The following GXYLT2 variants were observed in gnomAD, a reference collection of about 807,000 sequenced individuals.
The protein encoded by GXYLT2 is glucoside xylosyltransferase 2.
A neutral mutation model predicts 45.8 loss-of-function variants in GXYLT2; 53 were observed. The ratio of observed to expected loss-of-function variants is 1.16; its 90% CI spans 0.93 to 1.46. The LOEUF (loss-of-function observed/expected upper bound fraction) is 1.46. Among genes scored for constraint, GXYLT2 ranks in the 40% most tolerant of loss-of-function variants. The pLI is 0.00. For synonymous variants in GXYLT2, 219 were observed against 214.2 expected (o/e 1.02, Z -0.19); for missense variants, 551 against 544.4 (o/e 1.01, Z -0.12).
At chr3:72,918,081 T>C (rs1265169130) in intron 2 of GXYLT2, among the ~76,000 whole-genome samples, 1 of 152,220 alleles carries the variant, frequency 6.6e-6, no homozygotes, top group Non-Finnish European at 1.5e-5. Context: ...CTCAATGTGC[T>C]ATTTAGAGTA....
chr3:72,914,786 T>C (rs1256048428), intron 2 of GXYLT2, among the ~76,000 whole-genome samples: 1 of 152,170 alleles, frequency 6.6e-6, no homozygotes, highest in Non-Finnish European at 1.5e-5. Context: ...AGCCTGGGTC[T>C]GTCTCAAGCT....
intron 3 of GXYLT2, among the ~76,000 whole-genome samples, chr3:72,930,949 A>G (rs1710020918): frequency 1.3e-5 from 2 of 152,132 alleles, no homozygotes; most frequent in Non-Finnish European, 2.9e-5. Flanking sequence ...ACGGAAATAG[A>G]AGAACAACAC....
intron 1 of GXYLT2, among the ~76,000 whole-genome samples, chr3:72,891,328 A>G (rs1474332332): frequency 6.6e-6 from 1 of 152,172 alleles, no homozygotes; most frequent in Non-Finnish European, 1.5e-5. Flanking sequence ...CTCGCCTCCC[A>G]CAGGGGGCTG....
intron 1 of GXYLT2, among the ~76,000 whole-genome samples, chr3:72,897,635 G>T (rs1362715673): frequency 1.3e-5 from 2 of 152,164 alleles, no homozygotes; most frequent in African/African-American, 4.8e-5. Flanking sequence ...TCCTAAAAAT[G>T]GATGCCAGTA....
At chr3:72,955,383 A>G (rs1381616628) in intron 4 of GXYLT2, 34 bp downstream of exon 4, 1 of 1,605,182 alleles carries the variant, frequency 6.2e-7, no homozygotes, top group African/African-American at 1.3e-5. Context: ...TTGTTTAAAG[A>G]CTGGGAGTTG....
In GXYLT2 at chr3:72,888,512, A is replaced by AC; in HGVS notation, c.275+4_275+5insC. 1 of 1,228,742 alleles carries AC rather than the reference A, an allele frequency of 8.1e-7. No individual in the cohort carries two copies. Among genetic ancestry groups the AC allele is most frequent in the Non-Finnish European group, 1.0e-6 (1 of 983,404 alleles). The allele number at this position is 1,228,742 out of a possible 1,614,324, so 76.1% of individuals were successfully genotyped here. A position where few individuals can be genotyped will look rare whatever the true frequency, so the allele number is the denominator to read the frequency against. ...CGAGACTGGAGAAGTTGGCGAGGTGAGTCGTGGCAACCCCAGAATCCCATC... is the reference window on the plus strand; with the variant it reads ...CGAGACTGGAGAAGTTGGCGAGGTGACGTCGTGGCAACCCCAGAATCCCATC... On this transcript the variant is annotated splice_donor_region_variant and intron_variant, in intron 1 of 6. Coordinates refer to ENST00000389617, the MANE Select transcript of GXYLT2 (RefSeq NM_001080393.2).
chr3:72,925,348 G>T (rs896957847), intron 3 of GXYLT2, among the ~76,000 whole-genome samples: 7 of 151,912 alleles, frequency 4.6e-5, no homozygotes, highest in Non-Finnish European at 1.0e-4. Context: ...TAGAGACAGG[G>T]TTTCACCATG....
chr3:72,898,871 A>G (rs1709345601), intron 1 of GXYLT2, among the ~76,000 whole-genome samples: 1 of 152,106 alleles, frequency 6.6e-6, no homozygotes, highest in African/African-American at 2.4e-5. Flanking sequence ...AGCTAGGACT[A>G]CAGGCATGTG....
intron 3 of GXYLT2, among the ~76,000 whole-genome samples, chr3:72,953,324 C>CT (rs1229053767): frequency 1.6e-4 from 25 of 152,140 alleles, no homozygotes; most frequent in African/African-American, 5.8e-4. Context: ...GACAGAGTCT[C>CT]TGTCGCACAG....
At chr3:72,901,468 G>GAA (rs71124001) in intron 1 of GXYLT2, among the ~76,000 whole-genome samples, 40,976 of 115,458 alleles carry the variant, frequency 0.35, 6,079 homozygotes, top group Non-Finnish European at 0.42. Context: ...TGCATCAAAA[G>GAA]AAAAAAAAAA....
At chr3:72,920,308 A>G (rs1324471251) in intron 2 of GXYLT2, among the ~76,000 whole-genome samples, 1 of 151,552 alleles carries the variant, frequency 6.6e-6, no homozygotes, top group Non-Finnish European at 1.5e-5. Context: ...CTAATTTTTG[A>G]ATTTTTAGTA....
intron 5 of GXYLT2, among the ~76,000 whole-genome samples, chr3:72,961,900 G>C (rs900449202): frequency 3.3e-5 from 5 of 152,164 alleles, no homozygotes; most frequent in Non-Finnish European, 5.9e-5. Flanking sequence ...AGGGCATCAG[G>C]CTAGCGTAGA....
At chr3:72,922,425 A>G (rs867258890) in intron 3 of GXYLT2, 90 bp downstream of exon 3, 1 of 1,319,508 alleles carries the variant, frequency 7.6e-7, no homozygotes, top group Middle Eastern at 1.9e-4. Context: ...TTAACTTAAC[A>G]GCTGAAAACC....
At chr3:72,899,525 T>C (rs568879924) in intron 1 of GXYLT2, among the ~76,000 whole-genome samples, 2 of 152,330 alleles carry the variant, frequency 1.3e-5, no homozygotes, top group East Asian at 3.9e-4. Flanking sequence ...CTTAGTGTCA[T>C]GTGTGGGTTC....
intron 6 of GXYLT2, among the ~76,000 whole-genome samples, chr3:72,973,324 C>T (rs9829843): frequency 0.2 from 29,743 of 151,846 alleles, 4,879 homozygotes; most frequent in African/African-American, 0.43. Context: ...GGGAAAGTCC[C>T]GGAGGCAGGA....
At chr3:72,920,819 T>TATGTA (rs1491486551) in intron 2 of GXYLT2, among the ~76,000 whole-genome samples, 119 of 96,540 alleles carry the variant, frequency 1.2e-3, no homozygotes, top group African/African-American at 7.9e-3. Flanking sequence ...TATATATGTA[T>TATGTA]TTTTTTTTTT....
At chr3:72,923,636 A>G (rs1241850045) in intron 3 of GXYLT2, among the ~76,000 whole-genome samples, 1 of 152,152 alleles carries the variant, frequency 6.6e-6, no homozygotes, top group Non-Finnish European at 1.5e-5. Context: ...ACATGGTAAT[A>G]AGACAGCCAT....
At chr3:72,897,005 A>T (rs554849014) in intron 1 of GXYLT2, among the ~76,000 whole-genome samples, 1 of 152,310 alleles carries the variant, frequency 6.6e-6, no homozygotes, top group East Asian at 1.9e-4. Flanking sequence ...CTTTTGATGA[A>T]TGTCATGTTA....
chr3:72,908,587 G>A, intron 2 of GXYLT2, 28 bp downstream of exon 2: 6 of 1,552,358 alleles, frequency 3.9e-6, no homozygotes, highest in Non-Finnish European at 5.3e-6. Context: ...ATGGCACAGT[G>A]TTTACTAAGT....
Sources: allele counts gnomAD v4.1 joint callset (sites outside exome capture counted in the v4.1 genomes callset), GRCh38; gene constraint gnomAD v4.1.1; transcripts MANE v1.5; gene names NCBI Gene and HGNC (gene_info 2026-07-23, HGNC 2026-07-21).